The following ASCC3 variants were observed in gnomAD, a reference collection of about 807,000 sequenced individuals.
ASCC3 encodes the protein ASC-1 complex subunit P200.
Under a neutral mutation model 256.3 loss-of-function variants are expected in ASCC3, and 158 were observed. The observed-to-expected ratio is 0.62, with a 90% CI of 0.54 to 0.70. ASCC3 has a LOEUF of 0.70. Ranked by LOEUF, ASCC3 falls within the 30% of genes least tolerant of loss-of-function variation. ASCC3 has a pLI of 0.00. For synonymous variants in ASCC3, 948 were observed against 883.4 expected (o/e 1.07, Z -1.30); for missense variants, 2,259 against 2,626.0 (o/e 0.86, Z 3.05).
chr6:100,581,006 A>G (rs1412964858), intron 36 of ASCC3, among the ~76,000 whole-genome samples: 5 of 152,076 alleles, frequency 3.3e-5, no homozygotes, highest in Non-Finnish European at 7.4e-5. Flanking sequence ...CTTGGTTCCA[A>G]GTCTTTGCTA....
intron 16 of ASCC3, among the ~76,000 whole-genome samples, chr6:100,660,550 TG>T (rs1238020078): frequency 6.6e-6 from 1 of 151,702 alleles, no homozygotes; most frequent in African/African-American, 2.4e-5. Flanking sequence ...AAAATGTTCT[TG>T]TAATTTTGCT....
rs779195974 is a variant in ASCC3, at chr6:100,606,791, T to A, written c.4993A>T (p.Thr1665Ser). The A allele has an allele frequency of 1.2e-6, 2 of 1,611,678 alleles. No homozygotes were observed. Among genetic ancestry groups the A allele is most frequent in the Non-Finnish European group, 1.7e-6 (2 of 1,178,940 alleles). The change falls in exon 32 of 42, where the codon ACA becomes TCA. Residue 1665 changes from threonine (T) to serine (S), a missense_variant. By Grantham distance (58) the Thr-to-Ser change is moderately conservative. Coordinates refer to ENST00000369162, the MANE Select transcript of ASCC3 (RefSeq NM_006828.4). ...FPAHLVIIKG[T>S]EYYDGKTRRY... ...CTTGTTTTTCCATCATAGTATTCTG[T>A]TCCCTTAATAATTACTAAATGAGCT...
intron 11 of ASCC3, among the ~76,000 whole-genome samples, chr6:100,721,370 C>T (rs1222514933): frequency 6.6e-6 from 1 of 151,720 alleles, no homozygotes; most frequent in African/African-American, 2.4e-5. Context: ...TGAAAAACAT[C>T]AGTAAGTTAA....
At chr6:100,564,698 T>C (rs528630741) in intron 36 of ASCC3, among the ~76,000 whole-genome samples, 1 of 152,310 alleles carries the variant, frequency 6.6e-6, no homozygotes, top group South Asian at 2.1e-4. Context: ...TAGTAGGTGC[T>C]ATATAAAATA....
intron 30 of ASCC3, among the ~76,000 whole-genome samples, chr6:100,620,491 A>G (rs1773896633): frequency 6.6e-6 from 1 of 152,198 alleles, no homozygotes; most frequent in South Asian, 2.1e-4. Context: ...TAAATTAATG[A>G]GAACACATAT....
At chr6:100,590,816 A>G (rs1771966774) in intron 34 of ASCC3, among the ~76,000 whole-genome samples, 1 of 152,074 alleles carries the variant, frequency 6.6e-6, no homozygotes, top group Non-Finnish European at 1.5e-5. Flanking sequence ...TTTTTGTGAT[A>G]TTTTTCATTC....
intron 8 of ASCC3, among the ~76,000 whole-genome samples, chr6:100,783,003 C>A (rs765676200): frequency 1.3e-5 from 2 of 150,612 alleles, no homozygotes; most frequent in Admixed American, 6.6e-5. Context: ...TATGATAATA[C>A]CTATGCCAAA....
intron 36 of ASCC3, among the ~76,000 whole-genome samples, chr6:100,565,854 T>A (rs984388254): frequency 6.6e-6 from 1 of 152,172 alleles, no homozygotes; most frequent in Admixed American, 6.6e-5. Flanking sequence ...TTGACATTTA[T>A]TTTTTTAAAT....
intron 30 of ASCC3, among the ~76,000 whole-genome samples, chr6:100,610,159 T>C (rs1284499842): frequency 6.6e-6 from 1 of 152,236 alleles, no homozygotes; most frequent in Non-Finnish European, 1.5e-5. Flanking sequence ...AGTAAATGCA[T>C]AACTTTTATA....
At chr6:100,872,238 A>C (rs1382978985) in intron 1 of ASCC3, among the ~76,000 whole-genome samples, 1 of 152,172 alleles carries the variant, frequency 6.6e-6, no homozygotes, top group African/African-American at 2.4e-5. Flanking sequence ...CCATTTTTAT[A>C]TACATCACAG....
At chr6:100,764,353 G>C (rs1427469270) in intron 10 of ASCC3, among the ~76,000 whole-genome samples, 1 of 152,156 alleles carries the variant, frequency 6.6e-6, no homozygotes, top group East Asian at 1.9e-4. Flanking sequence ...ATAGATAAAG[G>C]AAGATACTAA....
rs1476488278 is a variant in ASCC3 at position 100,798,625 on chromosome 6, A to G, written c.1395+88T>C. On this transcript the variant is annotated intron_variant, in intron 8 of 41. Coordinates refer to ENST00000369162, the MANE Select transcript of ASCC3 (RefSeq NM_006828.4). ...TCTGTACTGTATTTGCCAACTAATA[A>G]TGTTTTAAAACAATTTTTCCAGTAT... The G allele has an allele frequency of 2.5e-6, 4 of 1,593,974 alleles. No individual in the cohort carries two copies. In the African/African-American group the frequency reaches 5.4e-5, roughly 21 times the overall value.
intron 10 of ASCC3, among the ~76,000 whole-genome samples, chr6:100,763,940 G>A (rs2115123360): frequency 1.3e-5 from 2 of 150,068 alleles, no homozygotes; most frequent in South Asian, 4.2e-4. Context: ...CTGCAGGACA[G>A]ACTAGGCATA....
intron 16 of ASCC3, 112 bp downstream of exon 16, chr6:100,661,690 ATGGC>A: frequency 1.0e-6 from 1 of 996,468 alleles, no homozygotes; most frequent in Non-Finnish European, 1.6e-6. Flanking sequence ...TATAACTTAT[ATGGC>A]ATAGGCTGTA....
At chr6:100,572,298 C>T (rs545738764) in intron 36 of ASCC3, among the ~76,000 whole-genome samples, 7 of 152,220 alleles carry the variant, frequency 4.6e-5, no homozygotes, top group African/African-American at 1.7e-4. Flanking sequence ...AGAAGATGGC[C>T]ATGTTTGCAC....
intron 10 of ASCC3, among the ~76,000 whole-genome samples, chr6:100,728,177 CAATT>C (rs1779726547): frequency 6.6e-6 from 1 of 151,008 alleles, no homozygotes; most frequent in Admixed American, 6.6e-5. Flanking sequence ...ATGAGCCAAA[CAATT>C]AATTGAAAAT....
chr6:100,738,984 A>G lies in ASCC3; in HGVS notation c.1738-13281T>C, dbSNP rs572704872. 3.9e-5 allele frequency among the ~76,000 whole-genome samples: 6 copies of G among 152,264 alleles called. No individual in the cohort carries two copies. The East Asian group carries it at 9.7e-4, about 25-fold the overall frequency. ...GAAAACTTCCAATATTATGCTGAAT[A>G]GGAGAGGTGAGAGAGGGCATCCTTG... On this transcript the variant is annotated intron_variant, in intron 10 of 41. Coordinates refer to ENST00000369162, the MANE Select transcript of ASCC3 (RefSeq NM_006828.4).
chr6:100,717,575 C>T (rs982190162), intron 12 of ASCC3, among the ~76,000 whole-genome samples: 3 of 151,490 alleles, frequency 2.0e-5, no homozygotes, highest in Admixed American at 6.6e-5. Context: ...TTTAGAAATG[C>T]CATTTATATA....
intron 8 of ASCC3, among the ~76,000 whole-genome samples, chr6:100,784,886 T>C (rs560335936): frequency 6.6e-6 from 1 of 152,064 alleles, no homozygotes; most frequent in Non-Finnish European, 1.5e-5. Flanking sequence ...AATATTTCTT[T>C]ATAAATAGAA....
Sources: allele counts gnomAD v4.1 joint callset (sites outside exome capture counted in the v4.1 genomes callset), GRCh38; gene constraint gnomAD v4.1.1; transcripts MANE v1.5; gene names NCBI Gene and HGNC (gene_info 2026-07-23, HGNC 2026-07-21).